SCHIP1: variants seen among roughly 807,000 people sequenced by gnomAD.
SCHIP1 encodes schwannomin interacting protein 1, also known as schwannomin-interacting protein 1.
Under a neutral mutation model 29.7 loss-of-function variants are expected in SCHIP1, and 8 were observed. The ratio of observed to expected loss-of-function variants is 0.27; its 90% CI spans 0.16 to 0.49. The LOEUF (loss-of-function observed/expected upper bound fraction) is 0.49, where lower values mean the gene tolerates loss of function less well. SCHIP1 is among the 20% of genes least tolerant of loss of function. The pLI, the probability that SCHIP1 is intolerant of heterozygous loss-of-function variation, is 0.99. For missense variants in SCHIP1, 193 were observed against 294.6 expected, an observed-to-expected ratio of 0.66 and a Z score of 2.52; for synonymous variants, 76 against 94.9, an observed-to-expected ratio of 0.80 and a Z score of 1.16.
the SCHIP1 span, among the ~76,000 whole-genome samples, chr3:159,789,108 G>T: frequency 1.8e-4 from 27 of 150,320 alleles, no homozygotes; most frequent in South Asian, 3.7e-3. Flanking sequence ...ATGTATACAG[G>T]TTGTGTGTGT....
the SCHIP1 span, among the ~76,000 whole-genome samples, chr3:159,776,296 AT>A: frequency 6.8e-6 from 1 of 146,218 alleles, no homozygotes; most frequent in South Asian, 2.1e-4. Context: ...CTAGTCTGAC[AT>A]TTTATTTTGA....
chr3:159,613,710 T>A, the SCHIP1 span, among the ~76,000 whole-genome samples: 1 of 152,214 alleles, frequency 6.6e-6, no homozygotes, highest in Non-Finnish European at 1.5e-5. Context: ...AGGATGGTGA[T>A]CTTGGTTCAG....
chr3:159,423,051 A>T, the SCHIP1 span, among the ~76,000 whole-genome samples: 2 of 152,242 alleles, frequency 1.3e-5, no homozygotes, highest in African/African-American at 4.8e-5. Context: ...AGATGAGTAA[A>T]GAATATGTCA....
At chr3:159,798,901 A>G in the SCHIP1 span, among the ~76,000 whole-genome samples, 3 of 152,234 alleles carry the variant, frequency 2.0e-5, no homozygotes, top group Non-Finnish European at 2.9e-5. Context: ...TAGAATAATC[A>G]TGAGTTAAAA....
the SCHIP1 span, among the ~76,000 whole-genome samples, chr3:159,552,697 T>A: frequency 6.6e-6 from 1 of 152,238 alleles, no homozygotes; most frequent in Non-Finnish European, 1.5e-5. Context: ...ATTACTTTTT[T>A]CAAGGAAAAT....
chr3:159,286,791 T>C, the SCHIP1 span, among the ~76,000 whole-genome samples: 2 of 152,204 alleles, frequency 1.3e-5, no homozygotes, highest in Non-Finnish European at 2.9e-5. Context: ...TGGTATCTTA[T>C]TGTGGTTTTG....
chr3:159,406,166 G>A, the SCHIP1 span, among the ~76,000 whole-genome samples: 3 of 151,604 alleles, frequency 2.0e-5, no homozygotes, highest in Non-Finnish European at 2.9e-5. Context: ...CTCCATGAAG[G>A]CATTTAATAA....
the SCHIP1 span, among the ~76,000 whole-genome samples, chr3:159,356,800 A>G: frequency 1.3e-5 from 2 of 152,174 alleles, no homozygotes; most frequent in Non-Finnish European, 2.9e-5. Flanking sequence ...ATTCACATGG[A>G]GGCAGACAGA....
the SCHIP1 span, among the ~76,000 whole-genome samples, chr3:159,490,680 A>G: frequency 6.6e-6 from 1 of 152,260 alleles, no homozygotes; most frequent in Non-Finnish European, 1.5e-5. Flanking sequence ...CTGTGGATAT[A>G]AAATGGAGCC....
At chr3:159,579,870 T>A in the SCHIP1 span, among the ~76,000 whole-genome samples, 8 of 152,128 alleles carry the variant, frequency 5.3e-5, no homozygotes, top group African/African-American at 1.9e-4. Context: ...GGAAGTTAGA[T>A]CAGTAGAGGA....
the SCHIP1 span, among the ~76,000 whole-genome samples, chr3:159,697,341 TGG>T: frequency 2.6e-5 from 4 of 152,140 alleles, no homozygotes; most frequent in African/African-American, 7.2e-5. Flanking sequence ...AATTTTTGGA[TGG>T]AGAGAGGAGC....
chr3:159,641,693 A>C, the SCHIP1 span, among the ~76,000 whole-genome samples: 1 of 152,140 alleles, frequency 6.6e-6, no homozygotes, highest in African/African-American at 2.4e-5. Flanking sequence ...AATTCACCCA[A>C]ATGGGTGGCA....
intron 1 of SCHIP1, among the ~76,000 whole-genome samples, chr3:159,860,297 G>A (rs1390186874): frequency 1.3e-5 from 2 of 152,202 alleles, no homozygotes; most frequent in Non-Finnish European, 2.9e-5. Context: ...CAGAGAAAGA[G>A]CAGTCAAGTC....
chr3:159,573,333 G>C, the SCHIP1 span, among the ~76,000 whole-genome samples: 1 of 152,084 alleles, frequency 6.6e-6, no homozygotes, highest in Non-Finnish European at 1.5e-5. Context: ...CTCAGCATTT[G>C]CTTGTCTATA....
chr3:159,787,451 A>G, the SCHIP1 span, among the ~76,000 whole-genome samples: 2 of 152,220 alleles, frequency 1.3e-5, no homozygotes, highest in African/African-American at 4.8e-5. Context: ...GCCCTGCCCC[A>G]GAGGCTGCCC....
At chr3:159,821,151 T>G in the SCHIP1 span, among the ~76,000 whole-genome samples, 1 of 152,198 alleles carries the variant, frequency 6.6e-6, no homozygotes, top group Non-Finnish European at 1.5e-5. Flanking sequence ...AAGCCAGCTA[T>G]GTTGAACGTT....
the SCHIP1 span, among the ~76,000 whole-genome samples, chr3:159,360,263 T>A: frequency 6.6e-6 from 1 of 152,216 alleles, no homozygotes; most frequent in Non-Finnish European, 1.5e-5. Flanking sequence ...GAATGTCATT[T>A]TTAAAAATTT....
chr3:159,452,307 C>G, the SCHIP1 span, among the ~76,000 whole-genome samples: 2 of 152,052 alleles, frequency 1.3e-5, no homozygotes, highest in Non-Finnish European at 2.9e-5. Context: ...CTTGTCCCCC[C>G]ATCCCCCAAT....
the SCHIP1 span, among the ~76,000 whole-genome samples, chr3:159,682,117 T>G: frequency 6.6e-6 from 1 of 152,236 alleles, no homozygotes; most frequent in Non-Finnish European, 1.5e-5. Flanking sequence ...GGGGAGTTTT[T>G]AATGCACACA....
Sources: allele counts gnomAD v4.1 joint callset (sites outside exome capture counted in the v4.1 genomes callset), GRCh38; gene constraint gnomAD v4.1.1; transcripts MANE v1.5; gene names NCBI Gene and HGNC (gene_info 2026-07-23, HGNC 2026-07-21).